NCOA6: variants seen among roughly 807,000 people sequenced by gnomAD.
NCOA6 encodes nuclear receptor coactivator 6, also known as NRC RAP250.
NCOA6 carries 49 observed loss-of-function variants against 171.4 expected under a neutral mutation model. The observed-to-expected ratio is 0.29, with a 90% CI of 0.23 to 0.36. The LOEUF is 0.36. Among genes scored for constraint, NCOA6 ranks in the 10% least tolerant of loss-of-function variants. The probability of loss-of-function intolerance (pLI) is 1.00; values close to 1 mark genes in which losing one functional copy is unlikely to be tolerated. For synonymous variants in NCOA6, 910 were observed against 927.5 expected (o/e 0.98, Z 0.34); for missense variants, 2,248 against 2,554.5 (o/e 0.88, Z 2.59).
intron 7 of NCOA6, 59 bp from the exon 8 acceptor site, chr20:34,754,927 A>G: frequency 6.4e-7 from 1 of 1,569,402 alleles, no homozygotes; most frequent in South Asian, 1.1e-5. Context: ...TTGCTTAGAT[A>G]TGGAATGAAT....
In NCOA6 at chr20:34,750,271, A is replaced by G. The variant is rs2076430728; in HGVS notation, c.1924T>C (p.Leu642=). The G allele has an allele frequency of 6.2e-7, 1 of 1,611,620 alleles. No homozygotes were observed. The highest frequency in any genetic ancestry group is 1.7e-5 in the Admixed American group (1 of 59,860). Residue 642 remains leucine (L), a synonymous_variant, in exon 9 of 15, where the codon TTG becomes CTG. Transcript: ENST00000359003. ...QGQMVQQQGT[L]NPQNPMILSR... The stretch of plus-strand genomic sequence containing the variant: ...AGGATCATAGGGTTCTGAGGGTTCA[A>G]GGTTCCTTGTTGCTGGACCATCTGG...
At chr20:34,812,251 T>TAA (rs79146528) in intron 1 of NCOA6, among the ~76,000 whole-genome samples, 18 of 138,908 alleles carry the variant, frequency 1.3e-4, no homozygotes, top group African/African-American at 3.7e-4. Context: ...GACTCTGTCT[T>TAA]AAAAAAAAAA....
chr20:34,753,337 G>A (rs1285725805), intron 8 of NCOA6, among the ~76,000 whole-genome samples: 2 of 149,050 alleles, frequency 1.3e-5, no homozygotes, highest in Admixed American at 6.7e-5. Context: ...GTGAGCCACC[G>A]CACCTGGCCT....
intron 14 of NCOA6, among the ~76,000 whole-genome samples, chr20:34,722,963 T>C (rs933343763): frequency 6.6e-5 from 10 of 152,042 alleles, no homozygotes; most frequent in African/African-American, 2.4e-4. Flanking sequence ...GCCGAGATTG[T>C]GCCACTGCAC....
intron 12 of NCOA6, among the ~76,000 whole-genome samples, chr20:34,734,741 G>A (rs1009561411): frequency 1.8e-4 from 27 of 150,986 alleles, no homozygotes; most frequent in African/African-American, 6.1e-4. Context: ...CAACCTCTGC[G>A]TCCCAGGTTC....
At position 34,741,056 on chromosome 20, in the gene NCOA6, G is replaced by A. The variant is rs150352396; in HGVS notation, c.5200C>T (p.Leu1734Phe). 6.2e-7 allele frequency: 1 copy of A among 1,614,238 alleles called. No homozygotes were observed. Among genetic ancestry groups the A allele is most frequent in the Non-Finnish European group, 8.5e-7 (1 of 1,180,056 alleles). ...PNIQTGRPLVLSSRATPVQLP... is the reference protein window; with the variant it reads ...PNIQTGRPLVFSSRATPVQLP... ...TGAACAGGGGTGGCTCGTGAGCTAA[G>A]GACCAAAGGTCGACCTGTCTGGATG... is the stretch of plus-strand genomic sequence containing the variant. The change falls in exon 11 of 15, where the codon CTT becomes TTT. Residue 1734 changes from leucine (L) to phenylalanine (F), a missense_variant. Leu to Phe is a conservative substitution (Grantham distance 22, BLOSUM62 0). This residue lies in a region of NCOA6 where 884 missense variants were observed against 941.9 expected (regional missense o/e 0.94). Coordinates refer to ENST00000359003, the MANE Select transcript of NCOA6 (RefSeq NM_014071.5).
intron 1 of NCOA6, among the ~76,000 whole-genome samples, chr20:34,815,664 T>C (rs2078811535): frequency 6.6e-6 from 1 of 152,114 alleles, no homozygotes; most frequent in Non-Finnish European, 1.5e-5. Flanking sequence ...GGCTTTTGAA[T>C]GGAGACCCTG....
At chr20:34,754,115 T>C (rs2076573898) in intron 8 of NCOA6, among the ~76,000 whole-genome samples, 1 of 152,218 alleles carries the variant, frequency 6.6e-6, no homozygotes, top group East Asian at 1.9e-4. Context: ...TTGAAAAATA[T>C]CACACTGTAA....
At chr20:34,800,096 A>G (rs887002312) in intron 1 of NCOA6, among the ~76,000 whole-genome samples, 2 of 152,180 alleles carry the variant, frequency 1.3e-5, no homozygotes, top group African/African-American at 4.8e-5. Flanking sequence ...TGGGGGGAAC[A>G]AAGTTAGTAT....
intron 1 of NCOA6, among the ~76,000 whole-genome samples, chr20:34,792,995 C>A (rs2077943001): frequency 6.6e-6 from 1 of 151,846 alleles, no homozygotes; most frequent in Non-Finnish European, 1.5e-5. Context: ...GTTGCCCAGG[C>A]TAGTCTTGAA....
chr20:34,749,794 G>A lies in NCOA6; in HGVS notation c.2401C>T (p.His801Tyr). The A allele has an allele frequency of 1.9e-6, 3 of 1,614,256 alleles. No individual in the cohort carries two copies. The highest frequency in any genetic ancestry group is 2.2e-5 in the South Asian group (2 of 91,088). ...TTTGCTGTAGTAGCAGGATCACCAT[G>A]CTGCTGGGCCATGTGTGGGCTGGGC... ...PGPSPHMAQQ[H>Y]GDPATTANND... The change falls in exon 9 of 15, where the codon CAT becomes TAT. Residue 801 changes from histidine to tyrosine, a missense_variant. His to Tyr is a moderately conservative substitution (Grantham distance 83). This residue lies in a region of NCOA6 where 987 missense variants were observed against 1,104.7 expected (regional missense o/e 0.89). Transcript: ENST00000359003.
At chr20:34,744,596 T>C (rs1217986683) in intron 10 of NCOA6, among the ~76,000 whole-genome samples, 3 of 152,224 alleles carry the variant, frequency 2.0e-5, no homozygotes, top group Non-Finnish European at 4.4e-5. Flanking sequence ...CAGCACTCAA[T>C]TAATGTCTTC....
Position 34,757,654 on chromosome 20 carries a change from G to A in NCOA6, c.1094C>T (p.Thr365Met), listed in dbSNP as rs773425730. The A allele has an allele frequency of 6.8e-6, 11 of 1,614,172 alleles. No homozygotes were observed. Among genetic ancestry groups the A allele is most frequent in the East Asian group, 2.2e-5 (1 of 44,876 alleles). ...QQLQARPSLATVQTPSHPPPP... is the reference protein window; with the variant it reads ...QQLQARPSLAMVQTPSHPPPP... Reference sequence around the variant, plus strand: ...GGGAGGGTGGGAAGGCGTCTGTACCGTGGCTAAGGATGGTCTTGCCTGGAG... The same window carrying A: ...GGGAGGGTGGGAAGGCGTCTGTACCATGGCTAAGGATGGTCTTGCCTGGAG... Residue 365 changes from threonine (T) to methionine (M), a missense_variant, in exon 7 of 15, where the codon ACG (threonine) becomes ATG (methionine). Physicochemically the swap from Thr to Met is moderately conservative, Grantham distance 81. Transcript: ENST00000359003.
Position 34,750,420 on chromosome 20 carries a change from T to C in NCOA6, c.1775A>G (p.Asn592Ser), listed in dbSNP as rs768522355. ...PSLMGIHGNM[N>S]NQQAGTSGVP... ...CCCAGAAGTACCAGCCTGCTGATTG[T>C]TCATGTTGCCATGAATTCCCATGAG... Residue 592 changes from asparagine (N) to serine (S), a missense_variant, in exon 9 of 15, where the codon AAC becomes AGC. By Grantham distance (46) the Asn-to-Ser change is conservative (BLOSUM62 1). This residue lies in a region of NCOA6 where 987 missense variants were observed against 1,104.7 expected (regional missense o/e 0.89). Transcript: ENST00000359003. The C allele has an allele frequency of 6.2e-7, 1 of 1,613,986 alleles. No homozygotes were observed. Among genetic ancestry groups the C allele is most frequent in the Non-Finnish European group, 8.5e-7 (1 of 1,180,036 alleles).
intron 8 of NCOA6, among the ~76,000 whole-genome samples, chr20:34,752,206 A>T (rs1336275443): frequency 6.6e-6 from 1 of 152,232 alleles, no homozygotes; most frequent in Non-Finnish European, 1.5e-5. Flanking sequence ...CAATGAAGTT[A>T]TGAAGCCAGT....
intron 8 of NCOA6, among the ~76,000 whole-genome samples, chr20:34,753,364 TA>T (rs998185528): frequency 1.3e-5 from 2 of 148,164 alleles, no homozygotes; most frequent in Non-Finnish European, 3.0e-5. Flanking sequence ...AAACTTCCTA[TA>T]AAAAAACATG....
At chr20:34,728,218 A>G (rs954147884) in intron 13 of NCOA6, among the ~76,000 whole-genome samples, 4 of 152,218 alleles carry the variant, frequency 2.6e-5, no homozygotes, top group Admixed American at 2.0e-4. Flanking sequence ...AGATAACAGC[A>G]TATTAGAAGC....
intron 4 of NCOA6, among the ~76,000 whole-genome samples, chr20:34,773,430 G>A (rs751314151): frequency 1.3e-5 from 2 of 152,158 alleles, no homozygotes; most frequent in Non-Finnish European, 2.9e-5. Flanking sequence ...ACACGATAGT[G>A]GCAACATTGC....
chr20:34,758,780 A>C, intron 6 of NCOA6, 25 bp downstream of exon 6: 1 of 1,609,628 alleles, frequency 6.2e-7, no homozygotes, highest in South Asian at 1.1e-5. Context: ...CAGACTCTTC[A>C]TCCTCAAAGA....
Sources: allele counts gnomAD v4.1 joint callset (sites outside exome capture counted in the v4.1 genomes callset), GRCh38; gene constraint gnomAD v4.1.1; regional missense constraint gnomAD v4.1.1; transcripts MANE v1.5; gene names NCBI Gene and HGNC (gene_info 2026-07-23, HGNC 2026-07-21).